The following USP53 variants were observed in gnomAD, a reference collection of about 807,000 sequenced individuals.
USP53 encodes the protein ubiquitin specific peptidase 53.
Under a neutral mutation model 94.9 loss-of-function variants are expected in USP53, and 71 were observed. That is an observed-to-expected ratio of 0.75 (90% CI 0.62 to 0.91). The LOEUF is 0.91. Among genes scored for constraint, USP53 ranks in the 40% least tolerant of loss-of-function variants. The pLI is 0.00. For synonymous variants in USP53, 375 were observed against 422.7 expected (o/e 0.89, Z 1.39); for missense variants, 1,173 against 1,281.0 (o/e 0.92, Z 1.29).
chr4:119,279,660 C>T (rs2149451537), intron 17 of USP53, among the ~76,000 whole-genome samples: 1 of 152,206 alleles, frequency 6.6e-6, no homozygotes, highest in East Asian at 1.9e-4. Flanking sequence ...CTTTGTTTAC[C>T]TAAGCAAGCC....
intron 3 of USP53, among the ~76,000 whole-genome samples, chr4:119,233,240 T>A (rs1174491653): frequency 6.6e-6 from 1 of 151,898 alleles, no homozygotes. Context: ...AAATTTTAGT[T>A]TGGGATTTAT....
intron 12 of USP53, 66 bp from the exon 13 acceptor site, chr4:119,267,254 T>C: frequency 6.7e-7 from 1 of 1,492,544 alleles, no homozygotes; most frequent in Non-Finnish European, 9.0e-7. Flanking sequence ...TCAGAGTCTG[T>C]CTTTTCATGT....
chr4:119,255,743 C>T (rs1749681508), intron 7 of USP53, among the ~76,000 whole-genome samples: 1 of 152,196 alleles, frequency 6.6e-6, no homozygotes, highest in South Asian at 2.1e-4. Flanking sequence ...GGCTCGCCCT[C>T]CGTGGGCTGC....
At position 119,274,694 on chromosome 4, in the gene USP53, C is replaced by T. The variant is rs1377845134; in HGVS notation, c.2251+986C>T. Among the ~76,000 whole-genome samples, 52 of 140,674 alleles carry T rather than the reference C, an allele frequency of 3.7e-4. No individual in the cohort carries two copies. In the South Asian group the frequency reaches 7.9e-3, roughly 21 times the overall value. The allele number at this position is 140,674 out of a possible 152,430, so 92.3% of individuals were successfully genotyped here. A position where few individuals can be genotyped will look rare whatever the true frequency, so the allele number is the denominator to read the frequency against. ...CACACTGACTTCCACAAGGGTTGAA[C>T]TAGTTTACAGTCCCACCAACAGTGT... On this transcript the variant is annotated intron_variant, in intron 17 of 18. Transcript: ENST00000692078.
rs765938364 is a variant in USP53 at position 119,231,257 on chromosome 4, CTGA to C, written c.-664-4030_-664-4028del. On this transcript the variant is annotated intron_variant, in intron 3 of 18. Coordinates refer to ENST00000692078, the MANE Select transcript of USP53 (RefSeq NM_001371395.1). Reference sequence around the variant, plus strand: ...ACACCCTGTAGCAATTATGTTCCTACTGATGGATATTTACTTTATTTCCTTCAT... The same window carrying C: ...ACACCCTGTAGCAATTATGTTCCTACTGGATATTTACTTTATTTCCTTCAT... Among the ~76,000 whole-genome samples the C allele has an allele frequency of 7.9e-5, 12 of 152,138 alleles. No homozygotes were observed. In the East Asian group the frequency reaches 9.6e-4, roughly 12 times the overall value.
chr4:119,294,385 T>C lies in USP53; in HGVS notation c.*1174T>C, dbSNP rs552305588. The C allele has an allele frequency of 2.0e-5, 3 of 152,246 alleles. No individual in the cohort carries two copies. The highest frequency in any genetic ancestry group is 4.8e-5 in the African/African-American group (2 of 41,574). The allele number at this position is 152,246 out of a possible 1,614,324, so 9.4% of individuals were successfully genotyped here. ...GAACAAATAGTAATTTTACCCCAACTACTTTTCATGAAGAGTGCTTTGAAA... is the reference window on the plus strand; with the variant it reads ...GAACAAATAGTAATTTTACCCCAACCACTTTTCATGAAGAGTGCTTTGAAA... On this transcript the variant is annotated 3_prime_UTR_variant, in exon 19 of 19. Transcript: ENST00000692078.
In USP53 at chr4:119,239,535, T is replaced by C. The variant is rs1261265935; in HGVS notation, c.-225T>C. On this transcript the variant is annotated 5_prime_UTR_variant, in exon 5 of 19. Transcript: ENST00000692078. ...TCTTTAACGCCTTGTTTAAAATAGC[T>C]TTCTTTTTTAGTGCTTAGAACTTCA... is the stretch of plus-strand genomic sequence containing the variant. 2.1e-6 allele frequency: 1 copy of C among 475,100 alleles called. No individual in the cohort carries two copies. Among genetic ancestry groups the C allele is most frequent in the African/African-American group, 2.0e-5 (1 of 50,968 alleles). 29.4% of individuals were successfully genotyped at this position (475,100 alleles called of 1,614,324 possible).
At chr4:119,238,334 C>T (rs1747061723) in intron 4 of USP53, among the ~76,000 whole-genome samples, 1 of 152,148 alleles carries the variant, frequency 6.6e-6, no homozygotes, top group African/African-American at 2.4e-5. Context: ...AGTACTGCTG[C>T]ATCTCAGGGA....
At chr4:119,275,594 T>G (rs1460075808) in intron 17 of USP53, among the ~76,000 whole-genome samples, 86 of 151,462 alleles carry the variant, frequency 5.7e-4, no homozygotes, top group Non-Finnish European at 4.9e-4. Context: ...CTTTTTTGGT[T>G]CCATATGAAC....
chr4:119,219,090 A>C (rs1459882985), intron 3 of USP53: 1 of 152,238 alleles, frequency 6.6e-6, no homozygotes, highest in Non-Finnish European at 1.5e-5. Context: ...ATGAACAAGT[A>C]CTGTTTGATA....
intron 10 of USP53, 80 bp from the exon 11 acceptor site, chr4:119,260,427 G>T: frequency 7.9e-7 from 1 of 1,273,478 alleles, no homozygotes. Flanking sequence ...TGTTAAAATT[G>T]TCATTATATA....
rs115584700 is a variant in USP53 at position 119,223,980 on chromosome 4, C to A, written c.-665+6307C>A. Among the ~76,000 whole-genome samples, 786 of 152,074 alleles carry A rather than the reference C, an allele frequency of 5.2e-3. 7 individuals carry two copies. The highest frequency in any genetic ancestry group is 0.018 in the African/African-American group (739 of 41,492). On this transcript the variant is annotated intron_variant, in intron 3 of 18. Coordinates refer to ENST00000692078, the MANE Select transcript of USP53 (RefSeq NM_001371395.1). ...ATTATTTTATTGGAGACCTGAATTT[C>A]TTTTTAAATATTTTTTATGTATTTT...
At chr4:119,260,842 AATC>A (rs765774007) in intron 11 of USP53, among the ~76,000 whole-genome samples, 189 bp downstream of exon 11, 2 of 152,090 alleles carry the variant, frequency 1.3e-5, no homozygotes, top group African/African-American at 2.4e-5. Flanking sequence ...TTCACTCTAA[AATC>A]ATGATGATTG....
chr4:119,291,575 C>G (rs1754764955), intron 18 of USP53, among the ~76,000 whole-genome samples: 1 of 152,146 alleles, frequency 6.6e-6, no homozygotes, highest in Non-Finnish European at 1.5e-5. Context: ...CTCCATCTAC[C>G]TAGCAAATCC....
intron 7 of USP53, 57 bp downstream of exon 7, chr4:119,248,939 G>T (rs1385250491): frequency 6.3e-7 from 1 of 1,587,654 alleles, no homozygotes; most frequent in Non-Finnish European, 8.6e-7. Flanking sequence ...TTCCTTAGAT[G>T]GTACAAGTGT....
intron 3 of USP53, among the ~76,000 whole-genome samples, chr4:119,226,950 C>T (rs1249642038): frequency 2.0e-5 from 3 of 152,164 alleles, no homozygotes; most frequent in African/African-American, 7.2e-5. Context: ...CCTCCCACCT[C>T]AGCCTCCTGA....
chr4:119,273,561 TTG>T (rs1367128291), intron 16 of USP53, 69 bp from the exon 17 acceptor site: 32 of 1,056,274 alleles, frequency 3.0e-5, no homozygotes, highest in African/African-American at 1.3e-4. Flanking sequence ...TTAACAAATG[TTG>T]TTTTTTTTTA....
intron 11 of USP53, 136 bp downstream of exon 11, chr4:119,260,789 G>T: frequency 1.1e-6 from 1 of 902,546 alleles, no homozygotes; most frequent in Non-Finnish European, 1.6e-6. Flanking sequence ...GACTAGGAAT[G>T]GCTTTCAATT....
Position 119,291,274 on chromosome 4 carries a change from T to A in USP53, c.2348+13T>A. The A allele has an allele frequency of 6.4e-7, 1 of 1,551,864 alleles. No individual in the cohort carries two copies. Among genetic ancestry groups the A allele is most frequent in the East Asian group, 2.3e-5 (1 of 43,874 alleles). ...ATTTGATAAAAAGGTAACCATATTTTTTTTCCCTAAATACATGTATTATAG... is the reference window on the plus strand; with the variant it reads ...ATTTGATAAAAAGGTAACCATATTTATTTTCCCTAAATACATGTATTATAG... On this transcript the variant is annotated intron_variant, in intron 18 of 18. Transcript: ENST00000692078.
Sources: gnomAD v4.1 joint callset for allele counts (sites outside exome capture counted in the v4.1 genomes callset) on GRCh38, gnomAD v4.1.1 for gene constraint, MANE v1.5 for transcripts, NCBI Gene and HGNC (gene_info 2026-07-23, HGNC 2026-07-21) for gene names.